The following ZSCAN5A variants were observed in gnomAD, a reference collection of about 807,000 sequenced individuals.
ZSCAN5A encodes zinc finger and SCAN domain containing 5A, also known as zinc finger and SCAN domain-containing protein 5A.
Under a neutral mutation model 23.7 loss-of-function variants are expected in ZSCAN5A, and 12 were observed. The ratio of observed to expected loss-of-function variants is 0.51; its 90% CI spans 0.32 to 0.82. The LOEUF (loss-of-function observed/expected upper bound fraction) is 0.82, where lower values mean the gene tolerates loss of function less well. Ranked by LOEUF, ZSCAN5A falls within the 40% of genes least tolerant of loss-of-function variation. The pLI, the probability that ZSCAN5A is intolerant of heterozygous loss-of-function variation, is 0.03. For missense variants in ZSCAN5A, 597 were observed against 617.9 expected, an observed-to-expected ratio of 0.97 and a Z score of 0.36; for synonymous variants, 257 against 239.9, an observed-to-expected ratio of 1.07 and a Z score of -0.66.
intron 2 of ZSCAN5A, among the ~76,000 whole-genome samples, chr19:56,231,300 T>C (rs2034442346): frequency 6.6e-6 from 1 of 152,190 alleles, no homozygotes; most frequent in South Asian, 2.1e-4. Flanking sequence ...AGATTTAGCA[T>C]TGCACGTTGT....
In ZSCAN5A at chr19:56,252,947, A is replaced by C. The variant is rs144410436; in HGVS notation, c.-127-27774T>G. Among the ~76,000 whole-genome samples, 1,003 of 152,310 alleles carry C rather than the reference A, an allele frequency of 6.6e-3. 5 individuals are homozygous for C. The highest frequency in any genetic ancestry group is 0.058 in the Middle Eastern group (17 of 294). On this transcript the variant is annotated intron_variant, in intron 2 of 5. Transcript: ENST00000683990. ...TAACAGGAGCAAGAAGAAAGACAAGATGGCGGCGCAGTGGCGCCTCTTCCT... is the reference window on the plus strand; with the variant it reads ...TAACAGGAGCAAGAAGAAAGACAAGCTGGCGGCGCAGTGGCGCCTCTTCCT...
chr19:56,266,741 A>C (rs2037505788), intron 2 of ZSCAN5A: 1 of 152,170 alleles, frequency 6.6e-6, no homozygotes. Flanking sequence ...GGCCTCCCAA[A>C]GTGCTGGGAT....
At chr19:56,284,267 C>CTGTAATTTTTTTTT in intron 2 of ZSCAN5A, 1 of 754,676 alleles carries the variant, frequency 1.3e-6, no homozygotes, top group Non-Finnish European at 1.6e-6. Context: ...AAATTTTGGG[C>CTGTAATTTTTTTTT]TTTGCTCTAG....
At chr19:56,272,798 TAGG>T (rs879537896) in intron 2 of ZSCAN5A, 50 of 887,600 alleles carry the variant, frequency 5.6e-5, no homozygotes, top group South Asian at 1.0e-4. Flanking sequence ...CTGTCTATCC[TAGG>T]AGGAGAACAT....
In ZSCAN5A at chr19:56,272,694, G is replaced by A. The variant is rs533830656; in HGVS notation, c.-128+40589C>T. 33 of 159,844 alleles carry A rather than the reference G, an allele frequency of 2.1e-4. No homozygotes were observed. In the South Asian group the frequency reaches 6.4e-3, roughly 31 times the overall value. 9.9% of individuals were successfully genotyped at this position (159,844 alleles called of 1,614,324 possible). A position where few individuals can be genotyped will look rare whatever the true frequency, so the allele number is the denominator to read the frequency against. On this transcript the variant is annotated intron_variant, in intron 2 of 5. Coordinates refer to ENST00000683990, the MANE Select transcript of ZSCAN5A (RefSeq NM_001322064.3). Reference sequence around the variant, plus strand: ...CAGTTGGTGGCGTGGGCACAGGTCTGGAGACCTGCCAGCCTCCAGGCAGGC... The same window carrying A: ...CAGTTGGTGGCGTGGGCACAGGTCTAGAGACCTGCCAGCCTCCAGGCAGGC...
intron 2 of ZSCAN5A, chr19:56,320,011 T>A: frequency 1.1e-6 from 1 of 873,558 alleles, no homozygotes; most frequent in Non-Finnish European, 2.0e-6. Context: ...CTAATACACA[T>A]GGAACATCAA....
At chr19:56,367,872 C>CA (rs1205237133) in intron 1 of ZSCAN5A, 2 of 152,226 alleles carry the variant, frequency 1.3e-5, no homozygotes, top group Non-Finnish European at 2.9e-5. Flanking sequence ...AGAATGGGGC[C>CA]ATCAGATACA....
chr19:56,329,682 T>TA (rs1220397891), intron 2 of ZSCAN5A, among the ~76,000 whole-genome samples: 1 of 152,012 alleles, frequency 6.6e-6, no homozygotes, highest in Non-Finnish European at 1.5e-5. Context: ...CAATACAATT[T>TA]AAAAAACATA....
At chr19:56,340,267 A>G (rs941675563) in intron 2 of ZSCAN5A, among the ~76,000 whole-genome samples, 8 of 152,058 alleles carry the variant, frequency 5.3e-5, no homozygotes, top group African/African-American at 1.9e-4. Flanking sequence ...AAGCCCCCCT[A>G]TCATCTTTCT....
At position 56,271,119 on chromosome 19, in the gene ZSCAN5A, T is replaced by C. The variant is rs139299690; in HGVS notation, c.-128+42164A>G. 5.5e-4 allele frequency among the ~76,000 whole-genome samples: 84 copies of C among 152,382 alleles called. No homozygotes were observed. The East Asian group carries it at 0.015, about 28-fold the overall frequency. On this transcript the variant is annotated intron_variant, in intron 2 of 5. Transcript: ENST00000683990. The stretch of plus-strand genomic sequence containing the variant: ...GAAACAGCTGTGCTGGTAATGAGGC[T>C]GCTAAGGAAGGATGGAAAATCGAAA...
intron 2 of ZSCAN5A, chr19:56,295,196 G>C (rs1018593953): frequency 1.5e-4 from 23 of 152,158 alleles, no homozygotes; most frequent in African/African-American, 5.1e-4. Flanking sequence ...TACCAGTCAA[G>C]TTGTTATTAA....
At chr19:56,231,977 T>C (rs944789342) in intron 2 of ZSCAN5A, among the ~76,000 whole-genome samples, 2 of 119,162 alleles carry the variant, frequency 1.7e-5, no homozygotes, top group African/African-American at 6.6e-5. Context: ...ATTTTCTTTT[T>C]TCTTTCTTTT....
At chr19:56,297,091 G>A (rs865864361) in intron 2 of ZSCAN5A, among the ~76,000 whole-genome samples, 5 of 151,944 alleles carry the variant, frequency 3.3e-5, no homozygotes, top group African/African-American at 9.7e-5. Context: ...GTTTTTAAAG[G>A]GCGATCAGGG....
intron 2 of ZSCAN5A, among the ~76,000 whole-genome samples, chr19:56,276,663 A>G (rs958668889): frequency 1.3e-5 from 2 of 151,936 alleles, no homozygotes; most frequent in Non-Finnish European, 2.9e-5. Context: ...CAGCCTCCCG[A>G]GTAGCTGGGA....
intron 2 of ZSCAN5A, among the ~76,000 whole-genome samples, chr19:56,328,210 A>G (rs1485068976): frequency 6.6e-6 from 1 of 152,184 alleles, no homozygotes; most frequent in South Asian, 2.1e-4. Flanking sequence ...ACTGACATGT[A>G]TGTTGCAAGT....
At chr19:56,300,798 C>T (rs758824433) in intron 2 of ZSCAN5A, among the ~76,000 whole-genome samples, 24 of 149,058 alleles carry the variant, frequency 1.6e-4, no homozygotes, top group South Asian at 6.5e-4. Context: ...GACAGGTTTA[C>T]GTGTAAAAAA....
chr19:56,283,726 G>C (rs2038889755), intron 2 of ZSCAN5A: 1 of 152,126 alleles, frequency 6.6e-6, no homozygotes, highest in African/African-American at 2.4e-5. Context: ...CTCACCAGCT[G>C]CACAGGTCTC....
intron 2 of ZSCAN5A, chr19:56,228,261 G>C (rs1331611150): frequency 1.0e-6 from 1 of 985,046 alleles, no homozygotes; most frequent in African/African-American, 1.7e-5. Context: ...CCTCCTTCCC[G>C]GCTTCTGCCT....
At chr19:56,363,776 CAA>C (rs972699978) in intron 1 of ZSCAN5A, among the ~76,000 whole-genome samples, 1 of 152,138 alleles carries the variant, frequency 6.6e-6, no homozygotes, top group African/African-American at 2.4e-5. Context: ...TTCTAAGCAG[CAA>C]AGTGTTCAAG....
Sources: gnomAD v4.1 joint callset for allele counts (sites outside exome capture counted in the v4.1 genomes callset) on GRCh38, gnomAD v4.1.1 for gene constraint, MANE v1.5 for transcripts, NCBI Gene and HGNC (gene_info 2026-07-23, HGNC 2026-07-21) for gene names.